The following FIP1L1 variants were observed in gnomAD, a reference collection of about 807,000 sequenced individuals.
FIP1L1 encodes the protein pre-mRNA 3'-end-processing factor FIP1.
FIP1L1 carries 21 observed loss-of-function variants against 84.6 expected under a neutral mutation model. The ratio of observed to expected loss-of-function variants is 0.25; its 90% CI spans 0.18 to 0.36. FIP1L1 has a LOEUF of 0.36. FIP1L1 is among the 10% of genes least tolerant of loss of function. The probability of loss-of-function intolerance (pLI) is 1.00; values close to 1 mark genes in which losing one functional copy is unlikely to be tolerated. For synonymous variants in FIP1L1, 263 were observed against 242.3 expected (o/e 1.09, Z -0.80); for missense variants, 526 against 751.1 (o/e 0.70, Z 3.50).
At chr4:53,442,522 G>T in intron 13 of FIP1L1, 131 bp from the exon 14 acceptor site, 2 of 621,094 alleles carry the variant, frequency 3.2e-6, no homozygotes, top group Admixed American at 3.0e-5. Context: ...ATTTTTTTCT[G>T]TCCATTATTA....
chr4:53,390,699 T>G, intron 7 of FIP1L1, 71 bp downstream of exon 7: 1 of 921,522 alleles, frequency 1.1e-6, no homozygotes, highest in South Asian at 1.6e-5. Flanking sequence ...TTTTTGAACA[T>G]CAATTTAGAA....
At chr4:53,387,552 C>T (rs1450886947) in intron 5 of FIP1L1, among the ~76,000 whole-genome samples, 1 of 152,124 alleles carries the variant, frequency 6.6e-6, no homozygotes, top group Non-Finnish European at 1.5e-5. Context: ...TCAAATTTGC[C>T]TCTGCAATTT....
At chr4:53,405,362 G>A (rs1425869923) in intron 10 of FIP1L1, among the ~76,000 whole-genome samples, 2 of 152,052 alleles carry the variant, frequency 1.3e-5, no homozygotes. Flanking sequence ...TGTTCCAATG[G>A]TCTATATCTC....
Position 53,399,712 on chromosome 4 carries a change from TAAC to T in FIP1L1, c.706-17_706-15del, listed in dbSNP as rs142996922. ...TGTTCTGTTAAATTCAACAAGCTAATAACCTTTTTTTTTTAAGGTACAGCAGGG... is the reference window on the plus strand; with the variant it reads ...TGTTCTGTTAAATTCAACAAGCTAATCTTTTTTTTTTAAGGTACAGCAGGG... On this transcript the variant is annotated splice_polypyrimidine_tract_variant and intron_variant, in intron 9 of 17. Coordinates refer to ENST00000337488, the MANE Select transcript of FIP1L1 (RefSeq NM_030917.4). 336 of 1,544,804 alleles carry T rather than the reference TAAC, an allele frequency of 2.2e-4. 1 individual carries two copies. In the African/African-American group the frequency reaches 4.1e-3, roughly 19 times the overall value.
At chr4:53,391,743 A>G (rs780421394) in intron 9 of FIP1L1, among the ~76,000 whole-genome samples, 8 of 152,170 alleles carry the variant, frequency 5.3e-5, no homozygotes, top group Non-Finnish European at 1.2e-4. Context: ...TTGTGATTTC[A>G]TTTTGAGTCG....
chr4:53,419,709 A>T (rs1265327709), intron 11 of FIP1L1, among the ~76,000 whole-genome samples: 3 of 151,990 alleles, frequency 2.0e-5, no homozygotes, highest in Non-Finnish European at 4.4e-5. Context: ...CCCAAATCAC[A>T]CCTGAGATTA....
rs183623441 is a variant in FIP1L1, at chr4:53,426,029, T to C, written c.1017+64T>C. The C allele has an allele frequency of 8.3e-5, 94 of 1,137,330 alleles. No individual in the cohort carries two copies. The African/African-American group carries it at 1.4e-3, about 16-fold the overall frequency. 70.5% of individuals were successfully genotyped at this position (1,137,330 alleles called of 1,614,324 possible). A position where few individuals can be genotyped will look rare whatever the true frequency, so the allele number is the denominator to read the frequency against. ...GGATGATATCAACATTATAATTTAA[T>C]TTATTCAATAGATAGTCATAGTGCT... On this transcript the variant is annotated intron_variant, in intron 12 of 17. Coordinates refer to ENST00000337488, the MANE Select transcript of FIP1L1 (RefSeq NM_030917.4).
intron 9 of FIP1L1, among the ~76,000 whole-genome samples, chr4:53,393,087 C>T (rs1372335797): frequency 1.3e-5 from 2 of 152,120 alleles, no homozygotes; most frequent in East Asian, 3.9e-4. Flanking sequence ...TTAAACTAAC[C>T]TGCAAACATT....
chr4:53,449,104 TTTTG>T (rs1266748041), intron 15 of FIP1L1, among the ~76,000 whole-genome samples: 2 of 152,084 alleles, frequency 1.3e-5, no homozygotes, highest in Non-Finnish European at 2.9e-5. Flanking sequence ...CCTTTTTTTG[TTTTG>T]TTTATTTGTT....
intron 5 of FIP1L1, among the ~76,000 whole-genome samples, chr4:53,388,130 A>G (rs1489058808): frequency 2.6e-5 from 4 of 152,172 alleles, no homozygotes; most frequent in Admixed American, 1.3e-4. Flanking sequence ...TTTTAAGTAG[A>G]AAAGAAAAGT....
Position 53,410,976 on chromosome 4 carries a change from G to A in FIP1L1, c.816-3639G>A, listed in dbSNP as rs80007802. Among the ~76,000 whole-genome samples, 84 of 152,256 alleles carry A rather than the reference G, an allele frequency of 5.5e-4. 1 individual carries two copies. In the East Asian group the frequency reaches 0.014, roughly 26 times the overall value. The stretch of plus-strand genomic sequence containing the variant: ...TGTATCCCCCAAGAATAAGGTGGGG[G>A]GGGCTGCTGTATATTTTCAACTTTT... On this transcript the variant is annotated intron_variant, in intron 10 of 17. Transcript: ENST00000337488.
intron 15 of FIP1L1, among the ~76,000 whole-genome samples, chr4:53,447,998 G>A (rs1169169438): frequency 6.6e-6 from 1 of 152,100 alleles, no homozygotes. Context: ...ATCTCAACCT[G>A]TACCATTGTT....
intron 11 of FIP1L1, among the ~76,000 whole-genome samples, chr4:53,421,688 G>A (rs920349583): frequency 6.6e-6 from 1 of 152,174 alleles, no homozygotes; most frequent in Non-Finnish European, 1.5e-5. Flanking sequence ...GCCCTTCTGT[G>A]AGAAAACATT....
At chr4:53,409,661 C>T (rs560001640) in intron 10 of FIP1L1, among the ~76,000 whole-genome samples, 1 of 152,238 alleles carries the variant, frequency 6.6e-6, no homozygotes, top group Admixed American at 6.5e-5. Flanking sequence ...AGTTTCCTGG[C>T]TGCTTTGTTT....
At chr4:53,400,429 G>A (rs1318072738) in intron 10 of FIP1L1, among the ~76,000 whole-genome samples, 3 of 152,136 alleles carry the variant, frequency 2.0e-5, no homozygotes, top group Non-Finnish European at 4.4e-5. Flanking sequence ...CAGGAAACTG[G>A]TAAAGGATAG....
At chr4:53,435,894 G>T (rs1406541943) in intron 13 of FIP1L1, among the ~76,000 whole-genome samples, 15 of 152,132 alleles carry the variant, frequency 9.9e-5, no homozygotes, top group Non-Finnish European at 1.6e-4. Flanking sequence ...CGCATTTCTG[G>T]TAGAAGGTGA....
chr4:53,445,628 A>G lies in FIP1L1; in HGVS notation c.1285+1525A>G, dbSNP rs967562012. On this transcript the variant is annotated intron_variant, in intron 15 of 17. Transcript: ENST00000337488. ...ATGAGCAACCAGTTGTGGAAAGGCAATATATACTATATAAAGGCTAGTTGG... is the reference window on the plus strand; with the variant it reads ...ATGAGCAACCAGTTGTGGAAAGGCAGTATATACTATATAAAGGCTAGTTGG... Among the ~76,000 whole-genome samples the G allele has an allele frequency of 3.9e-5, 6 of 152,286 alleles. No homozygotes were observed. The East Asian group carries it at 7.7e-4, about 20-fold the overall frequency.
chr4:53,416,731 G>C (rs533982280), intron 11 of FIP1L1, among the ~76,000 whole-genome samples: 1 of 152,124 alleles, frequency 6.6e-6, no homozygotes, highest in African/African-American at 2.4e-5. Context: ...TTGGGAGACC[G>C]AGGCAGGTGG....
intron 13 of FIP1L1, among the ~76,000 whole-genome samples, chr4:53,430,223 A>G (rs1388765288): frequency 5.3e-5 from 8 of 152,218 alleles, no homozygotes; most frequent in East Asian, 1.9e-4. Context: ...AATGACAACA[A>G]ATACTTAGCT....
Sources: gnomAD v4.1 joint callset for allele counts (sites outside exome capture counted in the v4.1 genomes callset) on GRCh38, gnomAD v4.1.1 for gene constraint, MANE v1.5 for transcripts, NCBI Gene and HGNC (gene_info 2026-07-23, HGNC 2026-07-21) for gene names.